The following AIMP2 variants were observed in gnomAD, a reference collection of about 807,000 sequenced individuals.
AIMP2 encodes the protein aminoacyl tRNA synthase complex-interacting multifunctional protein 2.
Under a neutral mutation model 23.4 loss-of-function variants are expected in AIMP2, and 20 were observed. The observed-to-expected ratio is 0.85, with a 90% confidence interval of 0.60 to 1.24. AIMP2 has a LOEUF of 1.24. Ranked by LOEUF, AIMP2 falls within the 50% of genes most tolerant of loss-of-function variation. The pLI is 0.00. For missense variants in AIMP2, 515 were observed against 414.5 expected, an observed-to-expected ratio of 1.24 and a Z score of -2.10; for synonymous variants, 210 against 170.4, an observed-to-expected ratio of 1.23 and a Z score of -1.81.
At chr7:6,009,974 A>AAAAAAAAAT in intron 1 of AIMP2, among the ~76,000 whole-genome samples, 3 of 26,664 alleles carry the variant, frequency 1.1e-4, no homozygotes, top group Admixed American at 4.1e-4. Flanking sequence ...AAAAAAAAAA[A>AAAAAAAAAT]ATATATATAT....
At chr7:6,022,006 C>T (rs1426254251) in intron 3 of AIMP2, among the ~76,000 whole-genome samples, 4 of 152,202 alleles carry the variant, frequency 2.6e-5, no homozygotes, top group Non-Finnish European at 5.9e-5. Context: ...CCCTCTTCCT[C>T]AGCGACATGA....
chr7:6,021,806 T>C (rs917670749), intron 3 of AIMP2, among the ~76,000 whole-genome samples: 3 of 152,162 alleles, frequency 2.0e-5, no homozygotes, highest in Non-Finnish European at 2.9e-5. Flanking sequence ...TTCTATGATA[T>C]AAGCACTGAA....
In AIMP2 at chr7:6,013,887, GCTGCAGTGGGCCATGATCACACCC is replaced by G. The variant is rs531963245; in HGVS notation, c.136-1253_136-1230del. Reference sequence around the variant, plus strand: ...GATCACTTGAGCCCAGGAAGTCAAGGCTGCAGTGGGCCATGATCACACCCCTGCACTCCAGCCTGGGCAATAGAG... The same window carrying G: ...GATCACTTGAGCCCAGGAAGTCAAGGCTGCACTCCAGCCTGGGCAATAGAG... On this transcript the variant is annotated intron_variant, in intron 1 of 3. Transcript: ENST00000223029. 4.3e-3 allele frequency among the ~76,000 whole-genome samples: 652 copies of G among 151,926 alleles called. 5 individuals carry two copies. The highest frequency in any genetic ancestry group is 0.015 in the African/African-American group (633 of 41,428).
At chr7:6,010,677 G>A (rs1340405838) in intron 1 of AIMP2, among the ~76,000 whole-genome samples, 1 of 152,008 alleles carries the variant, frequency 6.6e-6, no homozygotes, top group Non-Finnish European at 1.5e-5. Flanking sequence ...TCGAACTCCT[G>A]ACCTCAAGAG....
At chr7:6,016,531 C>T (rs992520968) in intron 2 of AIMP2, among the ~76,000 whole-genome samples, 3 of 152,176 alleles carry the variant, frequency 2.0e-5, no homozygotes, top group African/African-American at 7.2e-5. Context: ...TGAGGTGCAA[C>T]CAGGCCCTCA....
chr7:6,010,991 A>G (rs549452434), intron 1 of AIMP2, among the ~76,000 whole-genome samples: 73 of 152,180 alleles, frequency 4.8e-4, no homozygotes, highest in African/African-American at 1.6e-3. Flanking sequence ...CGTAGATATT[A>G]TTTTAGGAGT....
chr7:6,014,250 C>CTTTTTTTTT (rs57008315), intron 1 of AIMP2, among the ~76,000 whole-genome samples: 9 of 67,540 alleles, frequency 1.3e-4, no homozygotes, highest in South Asian at 7.3e-4. Context: ...TTTGTTGAAG[C>CTTTTTTTTT]TTTTTTTTTT....
chr7:6,016,570 C>T (rs187647367), intron 2 of AIMP2, among the ~76,000 whole-genome samples: 3 of 152,230 alleles, frequency 2.0e-5, no homozygotes, highest in East Asian at 1.9e-4. Flanking sequence ...GATGAGTTTT[C>T]GAGCATGCGC....
chr7:6,020,676 A>G (rs1284087006), intron 3 of AIMP2, among the ~76,000 whole-genome samples: 1 of 152,220 alleles, frequency 6.6e-6, no homozygotes, highest in Non-Finnish European at 1.5e-5. Flanking sequence ...GGCAGCAGAC[A>G]AGTTCCCAGA....
intron 1 of AIMP2, among the ~76,000 whole-genome samples, chr7:6,010,701 G>C (rs767340748): frequency 6.6e-5 from 10 of 151,972 alleles, no homozygotes; most frequent in South Asian, 2.1e-4. Context: ...CACCCGCCTC[G>C]ACCTCCCAAA....
chr7:6,010,448 G>GTT (rs57431372), intron 1 of AIMP2, among the ~76,000 whole-genome samples: 1 of 148,514 alleles, frequency 6.7e-6, no homozygotes, highest in African/African-American at 2.5e-5. Context: ...CTGGTTTTTT[G>GTT]TTTTTTTTTT....
intron 3 of AIMP2, among the ~76,000 whole-genome samples, chr7:6,019,411 G>A (rs1164774595): frequency 1.3e-5 from 2 of 151,138 alleles, no homozygotes; most frequent in African/African-American, 2.4e-5. Flanking sequence ...TGTGAACCCG[G>A]GAGGCAGAGG....
At position 6,009,276 on chromosome 7, in the gene AIMP2, G is replaced by A; in HGVS notation, c.-88G>A. On this transcript the variant is annotated 5_prime_UTR_variant, in exon 1 of 4. Transcript: ENST00000223029. ...CCGAACGCCCGCAGCAGGGTCAGAA[G>A]GGAGGTGGCCGGTCTCCGTCGTGAC... The A allele has an allele frequency of 1.2e-6, 2 of 1,603,594 alleles. No homozygotes were observed. The highest frequency in any genetic ancestry group is 2.2e-5 in the South Asian group (2 of 90,408).
chr7:6,014,192 G>A (rs974603765), intron 1 of AIMP2, among the ~76,000 whole-genome samples: 3 of 147,682 alleles, frequency 2.0e-5, no homozygotes, highest in Non-Finnish European at 4.5e-5. Flanking sequence ...TAAATTACCT[G>A]AAATAGGAAC....
At chr7:6,016,298 T>C (rs3779107) in intron 2 of AIMP2, among the ~76,000 whole-genome samples, 23,750 of 152,136 alleles carry the variant, frequency 0.16, 2,025 homozygotes, top group African/African-American at 0.2. Context: ...CAATGTGATA[T>C]TTATTTGAGG....
chr7:6,010,696 G>A (rs1583444588), intron 1 of AIMP2, among the ~76,000 whole-genome samples: 1 of 151,994 alleles, frequency 6.6e-6, no homozygotes, highest in Admixed American at 6.6e-5. Context: ...AGATCCACCC[G>A]CCTCGACCTC....
intron 3 of AIMP2, among the ~76,000 whole-genome samples, chr7:6,019,824 T>G (rs2128880560): frequency 6.6e-6 from 1 of 151,896 alleles, no homozygotes; most frequent in Non-Finnish European, 1.5e-5. Flanking sequence ...GAGATCAAGA[T>G]TATCCTGGCC....
At chr7:6,013,062 T>C (rs1326049777) in intron 1 of AIMP2, 1 of 801,824 alleles carries the variant, frequency 1.2e-6, no homozygotes. Context: ...TGAAGATCTG[T>C]GGTCAGAGCC....
rs909201219 is a variant in AIMP2, at chr7:6,023,715, G to A, written c.*24G>A. The stretch of plus-strand genomic sequence containing the variant: ...GAATTGCCGTAACTGATTTTAAAGG[G>A]TTTAGATTTTAAGAATGGTGCTCTT... On this transcript the variant is annotated 3_prime_UTR_variant, in exon 4 of 4. Coordinates refer to ENST00000223029, the MANE Select transcript of AIMP2 (RefSeq NM_006303.4). 6.2e-7 allele frequency: 1 copy of A among 1,614,144 alleles called. No individual in the cohort carries two copies. Among genetic ancestry groups the A allele is most frequent in the Non-Finnish European group, 8.5e-7 (1 of 1,180,032 alleles).
Sources: allele counts gnomAD v4.1 joint callset (sites outside exome capture counted in the v4.1 genomes callset), GRCh38; gene constraint gnomAD v4.1.1; transcripts MANE v1.5; gene names NCBI Gene and HGNC (gene_info 2026-07-23, HGNC 2026-07-21).